Variants in RXYLT1 observed in about 807,000 individuals in gnomAD.
The protein encoded by RXYLT1 is ribitol xylosyltransferase 1, also known as ribitol-5-phosphate xylosyltransferase 1.
A neutral mutation model predicts 43.5 loss-of-function variants in RXYLT1; 41 were observed. That is an observed-to-expected ratio of 0.94 (90% confidence interval 0.73 to 1.22). RXYLT1 has a LOEUF of 1.22. Among genes scored for constraint, RXYLT1 ranks in the 50% most tolerant of loss-of-function variants. RXYLT1 has a pLI of 0.00. For synonymous variants in RXYLT1, 166 were observed against 194.4 expected, an observed-to-expected ratio of 0.85 and a Z score of 1.21; for missense variants, 514 against 532.0, an observed-to-expected ratio of 0.97 and a Z score of 0.33.
intron 5 of RXYLT1, 42 bp downstream of exon 5, chr12:63,805,446 G>A: frequency 6.6e-7 from 1 of 1,519,028 alleles, no homozygotes; most frequent in Non-Finnish European, 8.8e-7. Context: ...TTGTTCTCCA[G>A]TCTGAGAGTT....
intron 3 of RXYLT1, among the ~76,000 whole-genome samples, chr12:63,801,867 T>C (rs1898166561): frequency 6.6e-6 from 1 of 152,128 alleles, no homozygotes; most frequent in Non-Finnish European, 1.5e-5. Context: ...TTTTGTATTA[T>C]CATATGCAAA....
intron 3 of RXYLT1, among the ~76,000 whole-genome samples, chr12:63,788,881 C>A (rs1592844419): frequency 6.6e-6 from 1 of 152,336 alleles, no homozygotes; most frequent in South Asian, 2.1e-4. Flanking sequence ...TTTTGACATG[C>A]CTTCCTCACT....
rs776152671 is a variant in RXYLT1 at position 63,802,429 on chromosome 12, A to G, written c.743+24A>G. On this transcript the variant is annotated intron_variant, in intron 4 of 5. Coordinates refer to ENST00000261234, the MANE Select transcript of RXYLT1 (RefSeq NM_014254.3). Reference sequence around the variant, plus strand: ...ACGTAAGTACAAAATATGATTAAACATTTTTAGGCCCTAACACCTGAATTT... The same window carrying G: ...ACGTAAGTACAAAATATGATTAAACGTTTTTAGGCCCTAACACCTGAATTT... The G allele has an allele frequency of 3.3e-6, 5 of 1,525,666 alleles. No individual in the cohort carries two copies. The South Asian group carries it at 5.2e-5, about 16-fold the overall frequency. 94.5% of individuals were successfully genotyped at this position (1,525,666 alleles called of 1,614,324 possible). A position where few individuals can be genotyped will look rare whatever the true frequency, so the allele number is the denominator to read the frequency against.
intron 3 of RXYLT1, among the ~76,000 whole-genome samples, chr12:63,788,262 T>C (rs1004932876): frequency 5.3e-5 from 8 of 152,246 alleles, no homozygotes; most frequent in Non-Finnish European, 1.2e-4. Flanking sequence ...GAATGATAAA[T>C]GAGCATTGGC....
chr12:63,809,067 C>A lies in RXYLT1; in HGVS notation c.1307C>A (p.Ser436Ter), dbSNP rs774357258. 2.6e-6 allele frequency: 4 copies of A among 1,549,306 alleles called. No individual in the cohort carries two copies. The highest frequency in any genetic ancestry group is 1.4e-5 in the African/African-American group (1 of 71,584). The change falls in exon 6 of 6, where the codon TCA becomes TAA. Residue 436 changes from serine to a stop codon, truncating the protein, a stop_gained. Transcript: ENST00000261234. LOFTEE classifies it high-confidence loss of function. ...AAATTTACTAATATTTTAGAAAGCT[C>A]ATTTTTAATGAATAATAAAAGTTAA... The part of the protein sequence containing the change: ...KMKFTNILES[S>*]FLMNNKS
rs1898394873 is a variant in RXYLT1 at position 63,809,226 on chromosome 12, A to G, written c.*134A>G. The G allele has an allele frequency of 3.0e-6, 2 of 660,486 alleles. No individual in the cohort carries two copies. Among genetic ancestry groups the G allele is most frequent in the East Asian group, 2.9e-5 (1 of 34,300 alleles). The allele number at this position is 660,486 out of a possible 1,614,324, so 40.9% of individuals were successfully genotyped here. On this transcript the variant is annotated 3_prime_UTR_variant, in exon 6 of 6. Coordinates refer to ENST00000261234, the MANE Select transcript of RXYLT1 (RefSeq NM_014254.3). ...AACTCTACATTATGTATGCCACATA[A>G]TGACATTTCAGTCAGTGGTAGACTA...
chr12:63,805,913 A>T (rs1898281340), intron 5 of RXYLT1: 1 of 152,360 alleles, frequency 6.6e-6, no homozygotes, highest in South Asian at 2.1e-4. Context: ...GAATGGTTGG[A>T]TAGGGAGACT....
chr12:63,799,861 A>AAC (rs1898120199), intron 3 of RXYLT1, among the ~76,000 whole-genome samples: 2 of 152,140 alleles, frequency 1.3e-5, no homozygotes, highest in African/African-American at 4.8e-5. Context: ...ACCAATAATA[A>AAC]ATATTTTAAA....
At chr12:63,801,153 TTTTATA>T (rs1898150613) in intron 3 of RXYLT1, among the ~76,000 whole-genome samples, 1 of 152,196 alleles carries the variant, frequency 6.6e-6, no homozygotes, top group Non-Finnish European at 1.5e-5. Context: ...CCATTCAAAT[TTTTATA>T]TTTATACTGA....
intron 3 of RXYLT1, among the ~76,000 whole-genome samples, chr12:63,799,765 G>T (rs1293540078): frequency 6.6e-6 from 1 of 152,104 alleles, no homozygotes; most frequent in Non-Finnish European, 1.5e-5. Context: ...CTAACATGGG[G>T]AAGGAGGACT....
At chr12:63,794,621 T>G (rs1436604775) in intron 3 of RXYLT1, among the ~76,000 whole-genome samples, 1 of 152,136 alleles carries the variant, frequency 6.6e-6, no homozygotes, top group Non-Finnish European at 1.5e-5. Flanking sequence ...TATTAATTTA[T>G]GTACTGCTTG....
chr12:63,797,380 A>G (rs1252324507), intron 3 of RXYLT1, among the ~76,000 whole-genome samples: 1 of 152,048 alleles, frequency 6.6e-6, no homozygotes, highest in Non-Finnish European at 1.5e-5. Context: ...AAGTAGAGTT[A>G]GGGGTGTGGG....
chr12:63,781,533 T>C (rs1897684264), intron 2 of RXYLT1, among the ~76,000 whole-genome samples: 1 of 152,252 alleles, frequency 6.6e-6, no homozygotes, highest in South Asian at 2.1e-4. Context: ...CTGCCCTTGA[T>C]GGCCAAACAC....
chr12:63,786,590 G>A (rs1897806864), intron 3 of RXYLT1, among the ~76,000 whole-genome samples: 1 of 152,084 alleles, frequency 6.6e-6, no homozygotes, highest in Non-Finnish European at 1.5e-5. Flanking sequence ...CCATCAGCAA[G>A]TCATCTTTTT....
intron 1 of RXYLT1, chr12:63,780,476 G>A (rs1419100124): frequency 2.7e-6 from 3 of 1,117,576 alleles, no homozygotes; most frequent in Non-Finnish European, 2.2e-6. Flanking sequence ...TAAGACATCC[G>A]TTTCCATGTT....
chr12:63,800,331 G>T (rs1898131713), intron 3 of RXYLT1, among the ~76,000 whole-genome samples: 1 of 152,158 alleles, frequency 6.6e-6, no homozygotes, highest in African/African-American at 2.4e-5. Flanking sequence ...TATATAAAAG[G>T]CGTTGAACAA....
Position 63,809,221 on chromosome 12 carries a change from A to G in RXYLT1, c.*129A>G. The G allele has an allele frequency of 3.0e-6, 2 of 665,304 alleles. No homozygotes were observed. The highest frequency in any genetic ancestry group is 2.4e-6 in the Non-Finnish European group (1 of 410,174). The allele number at this position is 665,304 out of a possible 1,614,324, so 41.2% of individuals were successfully genotyped here. On this transcript the variant is annotated 3_prime_UTR_variant, in exon 6 of 6. Transcript: ENST00000261234. ...TTGAAAACTCTACATTATGTATGCC[A>G]CATAATGACATTTCAGTCAGTGGTA...
In RXYLT1 at chr12:63,789,390, C is replaced by T. The variant is rs560046780; in HGVS notation, c.428+4318C>T. ...ATCATGAGAACAGTACAAGAAAGAC[C>T]TGCCCCCATGATTCAATTACTTCCC... On this transcript the variant is annotated intron_variant, in intron 3 of 5. Coordinates refer to ENST00000261234, the MANE Select transcript of RXYLT1 (RefSeq NM_014254.3). 1.1e-4 allele frequency among the ~76,000 whole-genome samples: 17 copies of T among 152,256 alleles called. No individual in the cohort carries two copies. In the South Asian group the frequency reaches 2.7e-3, roughly 24 times the overall value.
intron 4 of RXYLT1, chr12:63,803,584 C>G (rs1285772310): frequency 6.6e-6 from 1 of 152,150 alleles, no homozygotes; most frequent in Non-Finnish European, 1.5e-5. Context: ...TATTCCCAAG[C>G]CTACTCCTAT....
Sources: gnomAD v4.1 joint callset for allele counts (sites outside exome capture counted in the v4.1 genomes callset) on GRCh38, gnomAD v4.1.1 for gene constraint, MANE v1.5 for transcripts, NCBI Gene and HGNC (gene_info 2026-07-23, HGNC 2026-07-21) for gene names.